DMD: variants seen among roughly 807,000 people sequenced by gnomAD.
The protein encoded by DMD is dystrophin.
In DMD, 63 loss-of-function variants were observed where a neutral mutation model predicts 330.1. The ratio of observed to expected loss-of-function variants is 0.19; its 90% CI spans 0.16 to 0.24. The LOEUF (loss-of-function observed/expected upper bound fraction) is 0.24. Among genes scored for constraint, DMD ranks in the 10% least tolerant of loss-of-function variants. The pLI is 1.00. For missense variants in DMD, 3,344 were observed against 2,684.1 expected, an observed-to-expected ratio of 1.25 and a Z score of -5.43; for synonymous variants, 1,223 against 959.8, an observed-to-expected ratio of 1.27 and a Z score of -5.07.
At chrX:32,340,923 G>C (rs2097738474) in intron 41 of DMD, among the ~76,000 whole-genome samples, 1 of 111,527 alleles carries the variant, frequency 9.0e-6, no homozygotes, top group African/African-American at 3.3e-5. Context: ...TAATTCACCT[G>C]CTATTAAACT....
chrX:33,329,119 G>A (rs757564498), intron 1 of DMD, among the ~76,000 whole-genome samples: 6 of 111,492 alleles, frequency 5.4e-5, no homozygotes, highest in Non-Finnish European at 7.5e-5. Flanking sequence ...AATGAAAGTT[G>A]GGAGGAAATG....
intron 43 of DMD, among the ~76,000 whole-genome samples, chrX:32,265,718 C>A (rs73619047): frequency 0.026 from 2,955 of 112,475 alleles, 94 homozygotes; most frequent in African/African-American, 0.089. Context: ...TATCTTGGAG[C>A]TTTAAGATTT....
intron 4 of DMD, among the ~76,000 whole-genome samples, chrX:32,843,059 C>T (rs373256888): frequency 4.5e-5 from 5 of 112,013 alleles, no homozygotes; most frequent in African/African-American, 6.5e-5. Flanking sequence ...CTGCCAGCCT[C>T]GGCCTCCCAC....
Position 32,110,573 on chromosome X carries a change from A to G in DMD, c.6438+106343T>C, listed in dbSNP as rs377669860. Reference sequence around the variant, plus strand: ...ATATTGTTCTCTTCCTTTAGACTCTAACTGGAGAAGAGAGTATATTTTCTG... The same window carrying G: ...ATATTGTTCTCTTCCTTTAGACTCTGACTGGAGAAGAGAGTATATTTTCTG... On this transcript the variant is annotated intron_variant, in intron 44 of 78. Transcript: ENST00000357033. Among the ~76,000 whole-genome samples the G allele has an allele frequency of 5.4e-5, 6 of 111,618 alleles. No individual in the cohort carries two copies. In the East Asian group the frequency reaches 1.1e-3, roughly 21 times the overall value.
At chrX:31,228,085 T>TA (rs2046809752) in intron 63 of DMD, among the ~76,000 whole-genome samples, 1 of 95,243 alleles carries the variant, frequency 1.0e-5, no homozygotes, top group African/African-American at 4.0e-5. Flanking sequence ...GGAAGGGGAA[T>TA]ATCACACTCT....
chrX:31,358,835 A>T (rs2058792448), intron 60 of DMD, among the ~76,000 whole-genome samples: 1 of 112,353 alleles, frequency 8.9e-6, no homozygotes, highest in South Asian at 3.7e-4. Context: ...GGTAAAGTTA[A>T]GGCGGGGCCC....
In DMD at chrX:32,411,977, T is replaced by C. The variant is rs764071756; in HGVS notation, c.4072-64A>G. The C allele has an allele frequency of 5.9e-6, 7 of 1,191,850 alleles. No homozygotes were observed. The East Asian group carries it at 2.1e-4, about 36-fold the overall frequency. On this transcript the variant is annotated intron_variant, in intron 29 of 78. Coordinates refer to ENST00000357033, the MANE Select transcript of DMD (RefSeq NM_004006.3). ...ACTCTTGATAGCTTTTCTGTAATCCTGCTGAACAATAAATGAAGATTCTAG... is the reference window on the plus strand; with the variant it reads ...ACTCTTGATAGCTTTTCTGTAATCCCGCTGAACAATAAATGAAGATTCTAG...
At chrX:32,368,345 T>C (rs1028108705) in intron 34 of DMD, among the ~76,000 whole-genome samples, 2 of 110,808 alleles carry the variant, frequency 1.8e-5, no homozygotes, top group East Asian at 2.8e-4. Context: ...TGGAAACAGA[T>C]GAGCCATGGC....
At position 31,121,316 on chromosome X, in the gene DMD, G is replaced by A. The variant is rs1272396579; in HGVS notation, c.*603C>T. The A allele has an allele frequency of 8.4e-6, 1 of 119,126 alleles. No homozygotes were observed. The highest frequency in any genetic ancestry group is 1.7e-5 in the Non-Finnish European group (1 of 58,252). 9.8% of individuals were successfully genotyped at this position (119,126 alleles called of 1,213,427 possible). A position where few individuals can be genotyped will look rare whatever the true frequency, so the allele number is the denominator to read the frequency against. On this transcript the variant is annotated 3_prime_UTR_variant, in exon 79 of 79. Transcript: ENST00000357033. ...ATGAGCAGTGTGTAGTAGTCATTTGGTGTGGTGGTAGAGGAAGTCTTATCT... is the reference window on the plus strand; with the variant it reads ...ATGAGCAGTGTGTAGTAGTCATTTGATGTGGTGGTAGAGGAAGTCTTATCT...
intron 59 of DMD, among the ~76,000 whole-genome samples, chrX:31,455,798 T>C (rs1489196105): frequency 8.9e-5 from 10 of 111,969 alleles, no homozygotes. Context: ...TATATTCTGC[T>C]TGGTGGTGGT....
intron 44 of DMD, among the ~76,000 whole-genome samples, chrX:31,977,794 A>C (rs1468116858): frequency 1.8e-5 from 2 of 109,721 alleles, no homozygotes; most frequent in African/African-American, 6.6e-5. Context: ...AATCAAAAAA[A>C]AAAAAAAAAA....
At chrX:31,642,109 C>A (rs1036176579) in intron 54 of DMD, among the ~76,000 whole-genome samples, 1 of 111,352 alleles carries the variant, frequency 9.0e-6, no homozygotes, top group Non-Finnish European at 1.9e-5. Context: ...AATATCCTCA[C>A]GAAAGTCAAC....
intron 74 of DMD, among the ~76,000 whole-genome samples, chrX:31,150,368 C>T (rs2037264640): frequency 9.0e-6 from 1 of 111,383 alleles, no homozygotes; most frequent in Non-Finnish European, 1.9e-5. Flanking sequence ...GGTTAATTTC[C>T]AAATAAATAT....
At chrX:33,311,147 G>T (rs768217088) in intron 1 of DMD, among the ~76,000 whole-genome samples, 1 of 109,074 alleles carries the variant, frequency 9.2e-6, no homozygotes. Context: ...ACTTCATACT[G>T]TATATACCTA....
intron 44 of DMD, among the ~76,000 whole-genome samples, chrX:32,023,523 A>G (rs1347171254): frequency 8.9e-6 from 1 of 112,199 alleles, no homozygotes; most frequent in Admixed American, 9.5e-5. Flanking sequence ...TATTTTATTT[A>G]TAATGTTAAA....
upstream of DMD, chrX:33,211,669 T>C (rs886043067): frequency 3.4e-6 from 2 of 585,893 alleles, no homozygotes; most frequent in Admixed American, 1.2e-4. Flanking sequence ...TCACTACATA[T>C]AAGGTTGTGC....
chrX:31,392,006 T>C (rs1188398237), intron 60 of DMD, among the ~76,000 whole-genome samples: 1 of 95,981 alleles, frequency 1.0e-5, no homozygotes, highest in Non-Finnish European at 2.2e-5. Flanking sequence ...CTTTTTTCTC[T>C]AGTGATTATC....
intron 30 of DMD, among the ~76,000 whole-genome samples, chrX:32,400,516 T>C (rs1481473371): frequency 9.0e-6 from 1 of 111,395 alleles, no homozygotes; most frequent in Non-Finnish European, 1.9e-5. Flanking sequence ...TGGATTGGAA[T>C]AGTTTCAGAA....
chrX:33,040,377 G>T (rs975376822), intron 1 of DMD, among the ~76,000 whole-genome samples: 2 of 111,020 alleles, frequency 1.8e-5, no homozygotes, highest in African/African-American at 6.6e-5. Flanking sequence ...CTGAGAGAGG[G>T]TCAAGATACC....
Sources: gnomAD v4.1 joint callset for allele counts (sites outside exome capture counted in the v4.1 genomes callset) on GRCh38, gnomAD v4.1.1 for gene constraint, MANE v1.5 for transcripts, NCBI Gene and HGNC (gene_info 2026-07-23, HGNC 2026-07-21) for gene names.